The following CADM1 variants were observed in gnomAD, a reference collection of about 807,000 sequenced individuals.
CADM1 encodes TSLC-1.
In CADM1, 15 loss-of-function variants were observed where a neutral mutation model predicts 53.1. That is an observed-to-expected ratio of 0.28 (90% CI 0.19 to 0.44). The LOEUF is 0.44. Among genes scored for constraint, CADM1 ranks in the 20% least tolerant of loss-of-function variants. The probability of loss-of-function intolerance (pLI) is 1.00; values close to 1 mark genes in which losing one functional copy is unlikely to be tolerated. For missense variants in CADM1, 434 were observed against 611.3 expected (o/e 0.71, Z 3.06); for synonymous variants, 281 against 243.0 (o/e 1.16, Z -1.45).
chr11:115,388,858 C>G (rs752783327), intron 1 of CADM1, among the ~76,000 whole-genome samples: 2 of 151,952 alleles, frequency 1.3e-5, no homozygotes, highest in Admixed American at 6.6e-5. Context: ...GGATCTTGCA[C>G]TGTAGGGAGG....
chr11:115,257,725 A>G (rs1942838163), intron 1 of CADM1, among the ~76,000 whole-genome samples: 1 of 152,242 alleles, frequency 6.6e-6, no homozygotes, highest in African/African-American at 2.4e-5. Context: ...TAGTAATAAA[A>G]GCAGCAGTTA....
rs1938983177 is a variant in CADM1 at position 115,175,434 on chromosome 11, C to T, written c.*1040G>A. 5.1e-6 allele frequency: 5 copies of T among 985,150 alleles called. No homozygotes were observed. The highest frequency in any genetic ancestry group is 6.0e-6 in the Non-Finnish European group (5 of 829,878). The allele number at this position is 985,150 out of a possible 1,614,324, so 61.0% of individuals were successfully genotyped here. On this transcript the variant is annotated 3_prime_UTR_variant, in exon 12 of 12. Coordinates refer to ENST00000331581, the MANE Select transcript of CADM1 (RefSeq NM_001301043.2). ...GTCATTCGCACAACAGACGAACTTG[C>T]TTTTTCCTACAAATTAGTGAGAAGT... is the stretch of plus-strand genomic sequence containing the variant.
intron 1 of CADM1, among the ~76,000 whole-genome samples, chr11:115,281,239 A>G (rs1943575657): frequency 6.6e-6 from 1 of 152,224 alleles, no homozygotes; most frequent in Non-Finnish European, 1.5e-5. Context: ...CAGACCTAAC[A>G]AACTTATCCA....
At chr11:115,470,119 G>A (rs1481467161) in intron 1 of CADM1, among the ~76,000 whole-genome samples, 1 of 152,204 alleles carries the variant, frequency 6.6e-6, no homozygotes, top group Non-Finnish European at 1.5e-5. Context: ...TACACTGTGA[G>A]ATATGATACA....
rs947553267 is a variant in CADM1, at chr11:115,306,205, CTATGTTTAGA to C, written c.125-65795_125-65786del. Reference sequence around the variant, plus strand: ...ATACTGTATTTTTAGTGTACCTTTTCTATGTTTAGATATGTTTAGATACACAAACACCATT... The same window carrying C: ...ATACTGTATTTTTAGTGTACCTTTTCTATGTTTAGATACACAAACACCATT... On this transcript the variant is annotated intron_variant, in intron 1 of 11. Transcript: ENST00000331581. Among the ~76,000 whole-genome samples, 20 of 151,512 alleles carry C rather than the reference CTATGTTTAGA, an allele frequency of 1.3e-4. No individual in the cohort carries two copies. In the South Asian group the frequency reaches 1.9e-3, roughly 14 times the overall value.
At chr11:115,460,936 T>C (rs564709425) in intron 1 of CADM1, among the ~76,000 whole-genome samples, 20 of 152,322 alleles carry the variant, frequency 1.3e-4, no homozygotes, top group African/African-American at 4.6e-4. Flanking sequence ...GAACCCATGC[T>C]AATTTGCATG....
chr11:115,393,011 C>T (rs1206569028), intron 1 of CADM1, among the ~76,000 whole-genome samples: 3 of 141,448 alleles, frequency 2.1e-5, no homozygotes, highest in Admixed American at 7.5e-5. Flanking sequence ...ATGCTTGCAC[C>T]TGTGAATAGC....
At chr11:115,242,241 A>G (rs1942261667) in intron 1 of CADM1, among the ~76,000 whole-genome samples, 1 of 151,688 alleles carries the variant, frequency 6.6e-6, no homozygotes, top group Non-Finnish European at 1.5e-5. Context: ...CCGGGCTTGC[A>G]GTGAGAGGGT....
intron 1 of CADM1, among the ~76,000 whole-genome samples, chr11:115,342,412 G>A (rs994774109): frequency 6.6e-6 from 1 of 152,112 alleles, no homozygotes; most frequent in African/African-American, 2.4e-5. Flanking sequence ...TGAAGGAGAT[G>A]GAAGGAAGAT....
intron 1 of CADM1, among the ~76,000 whole-genome samples, chr11:115,433,190 T>TTTC (rs1328815821): frequency 3.3e-5 from 5 of 152,260 alleles, no homozygotes; most frequent in Admixed American, 1.3e-4. Flanking sequence ...TACAGTGACT[T>TTTC]TTCTTCTTCT....
intron 8 of CADM1, among the ~76,000 whole-genome samples, chr11:115,203,939 G>A (rs956467315): frequency 3.9e-5 from 6 of 152,130 alleles, no homozygotes; most frequent in Admixed American, 3.9e-4. Context: ...TGAAAAGGTG[G>A]CTTATTATGT....
chr11:115,314,845 CAAAT>C (rs1944620063), intron 1 of CADM1, among the ~76,000 whole-genome samples: 1 of 152,180 alleles, frequency 6.6e-6, no homozygotes, highest in African/African-American at 2.4e-5. Context: ...CATACAAAAA[CAAAT>C]AACTTCTCAA....
chr11:115,307,218 T>A (rs1014848149), intron 1 of CADM1, among the ~76,000 whole-genome samples: 2 of 152,000 alleles, frequency 1.3e-5, no homozygotes, highest in Admixed American at 1.3e-4. Context: ...CTAACCCATT[T>A]AAAAGTAAGT....
At chr11:115,445,098 C>T (rs1345083928) in intron 1 of CADM1, among the ~76,000 whole-genome samples, 1 of 152,134 alleles carries the variant, frequency 6.6e-6, no homozygotes, top group Non-Finnish European at 1.5e-5. Context: ...AAGCAATTCT[C>T]AAAAATGTAT....
At chr11:115,355,398 G>A (rs966463680) in intron 1 of CADM1, among the ~76,000 whole-genome samples, 4 of 152,068 alleles carry the variant, frequency 2.6e-5, no homozygotes, top group African/African-American at 9.7e-5. Flanking sequence ...TCATCAGTAG[G>A]AGCAAAGTGA....
At chr11:115,265,304 TG>T (rs1174062397) in intron 1 of CADM1, among the ~76,000 whole-genome samples, 1 of 152,196 alleles carries the variant, frequency 6.6e-6, no homozygotes, top group African/African-American at 2.4e-5. Context: ...AGAAGGAACC[TG>T]GGTGTTGTGT....
chr11:115,277,980 C>T (rs184698962), intron 1 of CADM1, among the ~76,000 whole-genome samples: 6 of 152,210 alleles, frequency 3.9e-5, no homozygotes, highest in Non-Finnish European at 5.9e-5. Context: ...ATCAAACTTC[C>T]GATGACCATG....
chr11:115,399,474 T>C (rs989235381), intron 1 of CADM1: 3 of 152,104 alleles, frequency 2.0e-5, no homozygotes. Flanking sequence ...AATCCATCCA[T>C]TTTGAAGCTG....
At chr11:115,358,624 A>C (rs1945942382) in intron 1 of CADM1, among the ~76,000 whole-genome samples, 1 of 152,166 alleles carries the variant, frequency 6.6e-6, no homozygotes, top group South Asian at 2.1e-4. Context: ...GAACCATATC[A>C]ATTATTACAC....
Sources: gnomAD v4.1 joint callset for allele counts (sites outside exome capture counted in the v4.1 genomes callset) on GRCh38, gnomAD v4.1.1 for gene constraint, MANE v1.5 for transcripts, NCBI Gene and HGNC (gene_info 2026-07-23, HGNC 2026-07-21) for gene names.